TESK2: variants seen among roughly 807,000 people sequenced by gnomAD.
TESK2 encodes dual specificity testis-specific protein kinase 2.
TESK2 carries 39 observed loss-of-function variants against 57.1 expected under a neutral mutation model. The ratio of observed to expected loss-of-function variants is 0.68; its 90% CI spans 0.53 to 0.89. The LOEUF (loss-of-function observed/expected upper bound fraction) is 0.89. TESK2 is among the 40% of genes least tolerant of loss of function. The pLI, the probability that TESK2 is intolerant of heterozygous loss-of-function variation, is 0.00. For missense variants in TESK2, 646 were observed against 732.1 expected (o/e 0.88, Z 1.36); for synonymous variants, 249 against 267.9 (o/e 0.93, Z 0.69).
At chr1:45,346,111 T>C (rs1209506554) in intron 9 of TESK2, 117 bp from the exon 10 acceptor site, 2 of 784,748 alleles carry the variant, frequency 2.5e-6, no homozygotes, top group Non-Finnish European at 4.4e-6. Context: ...AGACCTTTTC[T>C]AAAGGCCCCA....
chr1:45,344,033 C>G lies in TESK2; in HGVS notation c.*807G>C, dbSNP rs1014818456. ...CAGCTCTGTAAGGACAGACTGTTCCCAAAGCTCCAGCCATGGCAGGAAGGG... is the reference window on the plus strand; with the variant it reads ...CAGCTCTGTAAGGACAGACTGTTCCGAAAGCTCCAGCCATGGCAGGAAGGG... On this transcript the variant is annotated 3_prime_UTR_variant, in exon 11 of 11. Transcript: ENST00000372086. 17 of 249,040 alleles carry G rather than the reference C, an allele frequency of 6.8e-5. No homozygotes were observed. Among genetic ancestry groups the G allele is most frequent in the African/African-American group, 3.7e-4 (17 of 45,470 alleles). The allele number at this position is 249,040 out of a possible 1,614,324, so 15.4% of individuals were successfully genotyped here.
In TESK2 at chr1:45,347,068, G is replaced by C; in HGVS notation, c.709-6C>G. 6.2e-7 allele frequency: 1 copy of C among 1,614,082 alleles called. No individual in the cohort carries two copies. The highest frequency in any genetic ancestry group is 8.5e-7 in the Non-Finnish European group (1 of 1,179,954). ...CCATAAGAGAACACATCTGCCTGGT[G>C]GGTAGTCGGACTTTGGTTTCCCTCT... On this transcript the variant is annotated splice_polypyrimidine_tract_variant and splice_region_variant and intron_variant, in intron 7 of 10. Coordinates refer to ENST00000372086, the MANE Select transcript of TESK2 (RefSeq NM_007170.3).
At chr1:45,450,265 A>T (rs1411212685) in intron 2 of TESK2, among the ~76,000 whole-genome samples, 1 of 152,238 alleles carries the variant, frequency 6.6e-6, no homozygotes. Context: ...TAATCCCAGC[A>T]CTTTGGGAGG....
intron 2 of TESK2, among the ~76,000 whole-genome samples, chr1:45,453,341 CAAAAAAAAAAA>C (rs560016914): frequency 5.6e-5 from 3 of 53,138 alleles, no homozygotes; most frequent in African/African-American, 1.7e-4. Flanking sequence ...GACCCTGTCT[CAAAAAAAAAAA>C]AAAAAAAAAA....
intron 4 of TESK2, among the ~76,000 whole-genome samples, chr1:45,372,585 C>T (rs1648236504): frequency 6.6e-6 from 1 of 150,744 alleles, no homozygotes. Flanking sequence ...TCAACAACAA[C>T]AACAACAAAA....
At chr1:45,378,369 T>C (rs2149272240) in intron 4 of TESK2, among the ~76,000 whole-genome samples, 1 of 152,256 alleles carries the variant, frequency 6.6e-6, no homozygotes, top group South Asian at 2.1e-4. Context: ...TTAAGGGACA[T>C]TCTGGAACTT....
intron 2 of TESK2, among the ~76,000 whole-genome samples, chr1:45,423,287 G>A (rs1650554403): frequency 6.6e-6 from 1 of 152,172 alleles, no homozygotes; most frequent in African/African-American, 2.4e-5. Flanking sequence ...GCCGGGCACA[G>A]TGGCTCACGC....
At chr1:45,405,243 A>C (rs148259257) in intron 3 of TESK2, among the ~76,000 whole-genome samples, 1 of 152,194 alleles carries the variant, frequency 6.6e-6, no homozygotes, top group African/African-American at 2.4e-5. Flanking sequence ...TGTTTATCCA[A>C]CTGCCAAGTT....
In TESK2 at chr1:45,444,176, TAA is replaced by T. The variant is rs34789802; in HGVS notation, c.222+13386_222+13387del. ...CCTGTGTGACAAAATGAGACTCTATTAAAAAAAAAAAAAAAAGGCTTTGAGGG... is the reference window on the plus strand; with the variant it reads ...CCTGTGTGACAAAATGAGACTCTATTAAAAAAAAAAAAAAGGCTTTGAGGG... On this transcript the variant is annotated intron_variant, in intron 2 of 10. Coordinates refer to ENST00000372086, the MANE Select transcript of TESK2 (RefSeq NM_007170.3). Among the ~76,000 whole-genome samples, 100 of 131,484 alleles carry T rather than the reference TAA, an allele frequency of 7.6e-4. No individual in the cohort carries two copies. In the East Asian group the frequency reaches 0.014, roughly 18 times the overall value. The allele number at this position is 131,484 out of a possible 152,430, so 86.3% of individuals were successfully genotyped here. A position where few individuals can be genotyped will look rare whatever the true frequency, so the allele number is the denominator to read the frequency against.
At chr1:45,396,567 C>A (rs565742450) in intron 3 of TESK2, among the ~76,000 whole-genome samples, 1 of 151,968 alleles carries the variant, frequency 6.6e-6, no homozygotes, top group Non-Finnish European at 1.5e-5. Context: ...CAGCTTACTG[C>A]AACCTCTGCC....
In TESK2 at chr1:45,345,540, G is replaced by C. The variant is rs756265297; in HGVS notation, c.1016C>G (p.Pro339Arg). Residue 339 changes from proline (P) to arginine (R), a missense_variant, in exon 11 of 11, where the codon CCT (proline) becomes CGT (arginine). Physicochemically the swap from Pro to Arg is moderately radical, Grantham distance 103. Transcript: ENST00000372086. The stretch of plus-strand genomic sequence containing the variant: ...CAGTGAGCTTAGTCGCTTCACCCCA[G>C]GTGCTTTCTCCAAGAGTCCTGAAGA... ...PTARGLLEKA[P>R]GVKRLSSLDD... The C allele has an allele frequency of 1.2e-6, 2 of 1,613,730 alleles. No homozygotes were observed. The highest frequency in any genetic ancestry group is 1.7e-6 in the Non-Finnish European group (2 of 1,179,852).
At chr1:45,412,740 C>G (rs920026035) in intron 3 of TESK2, among the ~76,000 whole-genome samples, 2 of 152,026 alleles carry the variant, frequency 1.3e-5, no homozygotes, top group Non-Finnish European at 2.9e-5. Context: ...ACAGAGAGAC[C>G]CAGTGCAGTG....
intron 3 of TESK2, among the ~76,000 whole-genome samples, chr1:45,407,492 G>A (rs1649892397): frequency 6.6e-6 from 1 of 151,900 alleles, no homozygotes; most frequent in African/African-American, 2.4e-5. Flanking sequence ...ATGCTATCAT[G>A]GTTTGGTTGT....
At chr1:45,387,840 C>G (rs1648964521) in intron 3 of TESK2, among the ~76,000 whole-genome samples, 1 of 152,140 alleles carries the variant, frequency 6.6e-6, no homozygotes, top group African/African-American at 2.4e-5. Context: ...AACCCTGTCT[C>G]TACTAAAAAT....
intron 4 of TESK2, among the ~76,000 whole-genome samples, chr1:45,384,616 T>TTTTA (rs1557551620): frequency 5.2e-4 from 72 of 137,162 alleles, no homozygotes; most frequent in African/African-American, 1.9e-3. Context: ...TTTTTTTTTT[T>TTTTA]TTTTTTTTTT....
At chr1:45,346,100 G>C (rs1457060398) in intron 9 of TESK2, 106 bp from the exon 10 acceptor site, 2 of 881,936 alleles carry the variant, frequency 2.3e-6, no homozygotes, top group Admixed American at 1.9e-5. Flanking sequence ...GTGCAGCTGA[G>C]AGACCTTTTC....
intron 1 of TESK2, among the ~76,000 whole-genome samples, chr1:45,487,216 T>C (rs1653525553): frequency 6.6e-6 from 1 of 152,178 alleles, no homozygotes; most frequent in Non-Finnish European, 1.5e-5. Context: ...CCCAAACATA[T>C]ATCTGTAAGA....
intron 4 of TESK2, among the ~76,000 whole-genome samples, chr1:45,358,811 C>T (rs1169660234): frequency 6.6e-6 from 1 of 152,008 alleles, no homozygotes; most frequent in Non-Finnish European, 1.5e-5. Context: ...TAAAGTTATC[C>T]AGTTATTAAG....
intron 2 of TESK2, among the ~76,000 whole-genome samples, chr1:45,436,430 C>G (rs1248158205): frequency 6.7e-6 from 1 of 148,692 alleles, no homozygotes; most frequent in African/African-American, 2.5e-5. Context: ...GAAGATCCGC[C>G]TACTTCGGCC....
Sources: allele counts gnomAD v4.1 joint callset (sites outside exome capture counted in the v4.1 genomes callset), GRCh38; gene constraint gnomAD v4.1.1; transcripts MANE v1.5; gene names NCBI Gene and HGNC (gene_info 2026-07-23, HGNC 2026-07-21).